The following HRH1 variants were observed in gnomAD, a reference collection of about 807,000 sequenced individuals.
HRH1 encodes the protein histamine receptor H1.
In HRH1, 6 loss-of-function variants were observed where a neutral mutation model predicts 10.3. The ratio of observed to expected loss-of-function variants is 0.58; its 90% CI spans 0.32 to 1.15. HRH1 has a LOEUF of 1.15. Ranked by LOEUF, HRH1 falls within the 50% of genes most tolerant of loss-of-function variation. The pLI, the probability that HRH1 is intolerant of heterozygous loss-of-function variation, is 0.05. For missense variants in HRH1, 514 were observed against 615.3 expected (o/e 0.84, Z 1.74); for synonymous variants, 242 against 236.7 (o/e 1.02, Z -0.21).
intron 1 of HRH1, among the ~76,000 whole-genome samples, chr3:11,140,752 C>A (rs1462483464): frequency 6.6e-6 from 1 of 152,178 alleles, no homozygotes; most frequent in African/African-American, 2.4e-5. Context: ...ACTTCCCTGA[C>A]CTCAGTGTCC....
intron 1 of HRH1, among the ~76,000 whole-genome samples, chr3:11,140,518 G>A (rs143074299): frequency 1.1e-3 from 174 of 152,048 alleles, no homozygotes; most frequent in African/African-American, 3.9e-3. Flanking sequence ...GAGCCCCTAG[G>A]GACTCACTCT....
At chr3:11,258,910 C>T (rs570720678) in intron 1 of HRH1, 93 bp from the exon 2 acceptor site, 25 of 862,108 alleles carry the variant, frequency 2.9e-5, no homozygotes, top group Admixed American at 8.6e-5. Flanking sequence ...TCACCCCCAA[C>T]AGCATACAAC....
At chr3:11,217,140 T>C (rs1036989813) in intron 1 of HRH1, among the ~76,000 whole-genome samples, 8 of 143,896 alleles carry the variant, frequency 5.6e-5, no homozygotes, top group African/African-American at 2.1e-4. Context: ...GAGCCAAGAT[T>C]GCGCCACTGC....
chr3:11,227,317 C>T (rs1328547209), intron 1 of HRH1, among the ~76,000 whole-genome samples: 1 of 150,682 alleles, frequency 6.6e-6, no homozygotes. Flanking sequence ...GGCGGAGTCT[C>T]GCTCTGTCCC....
intron 1 of HRH1, among the ~76,000 whole-genome samples, chr3:11,181,411 C>G (rs781012533): frequency 6.6e-6 from 1 of 152,154 alleles, no homozygotes; most frequent in Non-Finnish European, 1.5e-5. Context: ...GACCATTTTA[C>G]AATCCCACCA....
upstream of HRH1, among the ~76,000 whole-genome samples, chr3:11,154,136 G>A (rs902447159): frequency 2.2e-4 from 33 of 152,304 alleles, 1 homozygote; most frequent in Middle Eastern, 3.4e-3. This position sits in a 1 kb window ranked among gnomAD's most constrained non-coding sequence, Gnocchi z 4.4. Flanking sequence ...TGTGCCCGCA[G>A]GTGCGTGGGT....
Position 11,171,477 on chromosome 3 carries a change from G to C in HRH1, c.-36+16923G>C, listed in dbSNP as rs111425073. Among the ~76,000 whole-genome samples, 572 of 152,190 alleles carry C rather than the reference G, an allele frequency of 3.8e-3. 3 individuals carry two copies. Among genetic ancestry groups the C allele is most frequent in the African/African-American group, 0.013 (534 of 41,506 alleles). Reference sequence around the variant, plus strand: ...GGATCTTGCTCATCATGCAGTGGCCGCTGCTGCACCAATGTGACTCAGGAG... The same window carrying C: ...GGATCTTGCTCATCATGCAGTGGCCCCTGCTGCACCAATGTGACTCAGGAG... On this transcript the variant is annotated intron_variant, in intron 1 of 1. Transcript: ENST00000431010.
At chr3:11,147,574 C>T (rs1305841027) in intron 1 of HRH1, among the ~76,000 whole-genome samples, 3 of 151,956 alleles carry the variant, frequency 2.0e-5, no homozygotes, top group Non-Finnish European at 2.9e-5. Flanking sequence ...ACTAAAACAA[C>T]GATGTGACAA....
chr3:11,172,279 G>A (rs1021795249), intron 1 of HRH1, among the ~76,000 whole-genome samples: 1 of 152,230 alleles, frequency 6.6e-6, no homozygotes, highest in African/African-American at 2.4e-5. Flanking sequence ...GGGTGGAGGT[G>A]CAGGGGCCCA....
At chr3:11,250,063 G>A (rs1253047555) in intron 1 of HRH1, among the ~76,000 whole-genome samples, 1 of 85,798 alleles carries the variant, frequency 1.2e-5, no homozygotes, top group African/African-American at 5.3e-5. Flanking sequence ...TTTTTTTTGA[G>A]ACGGAGTCTC....
chr3:11,173,007 G>T (rs184589089), intron 1 of HRH1, among the ~76,000 whole-genome samples: 1 of 152,068 alleles, frequency 6.6e-6, no homozygotes, highest in African/African-American at 2.4e-5. Flanking sequence ...AGCTTTTGGC[G>T]AACCTTCTAG....
intron 1 of HRH1, among the ~76,000 whole-genome samples, chr3:11,170,984 A>G (rs1574986753): frequency 1.3e-5 from 2 of 152,116 alleles, no homozygotes; most frequent in African/African-American, 4.8e-5. Flanking sequence ...TATTGTTGGG[A>G]GACCTTTCAT....
chr3:11,247,948 G>A (rs73121687), intron 1 of HRH1, among the ~76,000 whole-genome samples: 2,160 of 152,276 alleles, frequency 0.014, 54 homozygotes, highest in African/African-American at 0.05. Context: ...GGTGAATATT[G>A]AGGTCATAAT....
chr3:11,214,101 G>T (rs1179017790), intron 1 of HRH1, among the ~76,000 whole-genome samples: 1 of 152,102 alleles, frequency 6.6e-6, no homozygotes, highest in Non-Finnish European at 1.5e-5. Context: ...AGAATGTTCA[G>T]GGACAGGTCA....
Position 11,219,539 on chromosome 3 carries a change from C to A in HRH1, c.-35-39464C>A, listed in dbSNP as rs533561392. On this transcript the variant is annotated intron_variant, in intron 1 of 1. Transcript: ENST00000431010. ...CCAGCCTGGCCAACATAGTGAAACC[C>A]CCGTCTCTACTAAAAATACAAAAAT... 2.0e-5 allele frequency among the ~76,000 whole-genome samples: 3 copies of A among 151,964 alleles called. No homozygotes were observed. In the South Asian group the frequency reaches 6.2e-4, roughly 32 times the overall value.
At chr3:11,152,417 T>C (rs1366005548), upstream of HRH1, among the ~76,000 whole-genome samples, 2 of 152,168 alleles carry the variant, frequency 1.3e-5, no homozygotes, top group Middle Eastern at 3.2e-3. Context: ...CTTGAAATCA[T>C]GTCTAACATG....
chr3:11,190,350 A>AT (rs1559264793), intron 1 of HRH1, among the ~76,000 whole-genome samples: 10 of 147,820 alleles, frequency 6.8e-5, no homozygotes, highest in Non-Finnish European at 1.0e-4. Context: ...TGTCTCTAGT[A>AT]ATATATATAT....
intron 1 of HRH1, among the ~76,000 whole-genome samples, chr3:11,164,609 C>A (rs977595477): frequency 1.3e-5 from 2 of 152,160 alleles, no homozygotes; most frequent in Admixed American, 1.3e-4. Flanking sequence ...CCACGTAGGG[C>A]TACAGATGTA....
rs199638082 is a variant in HRH1 at position 11,260,110 on chromosome 3, T to C, written c.1073T>C (p.Phe358Ser). Reference protein sequence around the residue: ...EDQMLGDSQSFSRTDSDTTTE... With the variant: ...EDQMLGDSQSSSRTDSDTTTE... ...CAGATGTTAGGTGATAGCCAATCCT[T>C]CTCTCGAACGGACTCAGATACCACC... is the stretch of plus-strand genomic sequence containing the variant. The change falls in exon 2 of 2, where the codon TTC (phenylalanine) becomes TCC (serine). Residue 358 changes from phenylalanine to serine, a missense_variant. Coordinates refer to ENST00000431010, the MANE Select transcript of HRH1 (RefSeq NM_001098212.2). The C allele has an allele frequency of 4.4e-6, 7 of 1,608,292 alleles. No homozygotes were observed. Among genetic ancestry groups the C allele is most frequent in the Non-Finnish European group, 6.0e-6 (7 of 1,175,226 alleles).
Sources: allele counts gnomAD v4.1 joint callset (sites outside exome capture counted in the v4.1 genomes callset), GRCh38; gene constraint gnomAD v4.1.1; non-coding constraint Gnocchi (gnomAD v3.1); transcripts MANE v1.5; gene names NCBI Gene and HGNC (gene_info 2026-07-23, HGNC 2026-07-21).